ZNF592: variants seen among roughly 807,000 people sequenced by gnomAD.
ZNF592 encodes the protein spinocerebellar ataxia, autosomal recessive 5.
A neutral mutation model predicts 80.3 loss-of-function variants in ZNF592; 11 were observed. The observed-to-expected ratio is 0.14, with a 90% CI of 0.09 to 0.23. The LOEUF (loss-of-function observed/expected upper bound fraction) is 0.23, where lower values mean the gene tolerates loss of function less well. ZNF592 is among the 10% of genes least tolerant of loss of function. ZNF592 has a pLI of 1.00. For missense variants in ZNF592, 1,420 were observed against 1,633.9 expected (o/e 0.87, Z 2.26); for synonymous variants, 646 against 640.3 (o/e 1.01, Z -0.13).
At chr15:84,763,851 C>T (rs1265575801) in intron 1 of ZNF592, among the ~76,000 whole-genome samples, 4 of 152,080 alleles carry the variant, frequency 2.6e-5, no homozygotes, top group Admixed American at 6.6e-5. Context: ...GTTGATGGGC[C>T]GTTAACCAGT....
At chr15:84,797,125 A>T (rs1268470640) in intron 5 of ZNF592, among the ~76,000 whole-genome samples, 1 of 152,018 alleles carries the variant, frequency 6.6e-6, no homozygotes, top group Middle Eastern at 3.4e-3. Context: ...CATGCCCACT[A>T]ATTTTTGTAT....
chr15:84,778,308 G>T lies in ZNF592; in HGVS notation c.-24G>T. The T allele has an allele frequency of 3.7e-6, 1 of 267,682 alleles. No individual in the cohort carries two copies. 16.6% of individuals were successfully genotyped at this position (267,682 alleles called of 1,614,324 possible). A position where few individuals can be genotyped will look rare whatever the true frequency, so the allele number is the denominator to read the frequency against. On this transcript the variant is annotated 5_prime_UTR_variant, in exon 3 of 11. Coordinates refer to ENST00000560079, the MANE Select transcript of ZNF592 (RefSeq NM_014630.3). Reference sequence around the variant, plus strand: ...AGGTCCCTACCTGCCACGGATACCAGTCAGGTACACATGCAGAGGCTGGAG... The same window carrying T: ...AGGTCCCTACCTGCCACGGATACCATTCAGGTACACATGCAGAGGCTGGAG...
chr15:84,755,876 C>T (rs966973887), intron 1 of ZNF592, among the ~76,000 whole-genome samples: 2 of 152,206 alleles, frequency 1.3e-5, no homozygotes, highest in African/African-American at 4.8e-5. Context: ...AGGCTAGCAC[C>T]TCTGATTGGG....
At chr15:84,775,894 T>A (rs1274900123) in intron 2 of ZNF592, among the ~76,000 whole-genome samples, 4 of 152,244 alleles carry the variant, frequency 2.6e-5, no homozygotes, top group Admixed American at 2.6e-4. Context: ...ATAAACAATA[T>A]GAATTTATAT....
chr15:84,766,950 A>C (rs1323692542), intron 2 of ZNF592, among the ~76,000 whole-genome samples: 1 of 152,058 alleles, frequency 6.6e-6, no homozygotes, highest in African/African-American at 2.4e-5. Flanking sequence ...TGGCACCCTC[A>C]AAACCACCAA....
chr15:84,770,415 G>C (rs1341975494), intron 2 of ZNF592, among the ~76,000 whole-genome samples: 1 of 152,136 alleles, frequency 6.6e-6, no homozygotes, highest in Non-Finnish European at 1.5e-5. Context: ...ATGTGAGGAA[G>C]AATAAATAAA....
chr15:84,762,930 C>G (rs1009916638), intron 1 of ZNF592, among the ~76,000 whole-genome samples: 6 of 152,182 alleles, frequency 3.9e-5, no homozygotes, highest in African/African-American at 1.4e-4. Context: ...TAATCTAGAA[C>G]AGTGTTCTAG....
At chr15:84,786,576 A>G (rs1962590618) in intron 4 of ZNF592, among the ~76,000 whole-genome samples, 1 of 152,116 alleles carries the variant, frequency 6.6e-6, no homozygotes, top group Non-Finnish European at 1.5e-5. Context: ...TCAGCCCCCC[A>G]AAGGGGCCAG....
At chr15:84,775,488 A>G (rs1416164111) in intron 2 of ZNF592, among the ~76,000 whole-genome samples, 2 of 152,082 alleles carry the variant, frequency 1.3e-5, no homozygotes. Flanking sequence ...GCTGGAGTGC[A>G]GTGACGCGAT....
rs919079497 is a variant in ZNF592, at chr15:84,748,606, C to G, written c.-317C>G. ...GTCGCCATGTTGTGGCTCCCGCAGC[C>G]GGCGCTGGGGACGCGCGCGGCCGAG... On this transcript the variant is annotated 5_prime_UTR_variant, in exon 1 of 11. Coordinates refer to ENST00000560079, the MANE Select transcript of ZNF592 (RefSeq NM_014630.3). 2.0e-5 allele frequency: 3 copies of G among 147,534 alleles called. No homozygotes were observed. Among genetic ancestry groups the G allele is most frequent in the African/African-American group, 7.3e-5 (3 of 40,826 alleles). The allele number at this position is 147,534 out of a possible 1,614,324, so 9.1% of individuals were successfully genotyped here. A position where few individuals can be genotyped will look rare whatever the true frequency, so the allele number is the denominator to read the frequency against.
intron 1 of ZNF592, among the ~76,000 whole-genome samples, chr15:84,755,871 A>T (rs1486760157): frequency 6.6e-6 from 1 of 152,228 alleles, no homozygotes; most frequent in East Asian, 1.9e-4. Flanking sequence ...GGATTAGGCT[A>T]GCACCTCTGA....
At chr15:84,758,268 C>T (rs932408994) in intron 1 of ZNF592, among the ~76,000 whole-genome samples, 2 of 151,962 alleles carry the variant, frequency 1.3e-5, no homozygotes, top group African/African-American at 4.8e-5. Flanking sequence ...CCACAGCGCC[C>T]GGCCCCGTTA....
intron 2 of ZNF592, among the ~76,000 whole-genome samples, chr15:84,774,540 G>A (rs1191819326): frequency 6.6e-6 from 1 of 152,180 alleles, no homozygotes; most frequent in Non-Finnish European, 1.5e-5. Context: ...TAAATCACTA[G>A]TCCAAAATTA....
chr15:84,801,785 C>T, intron 10 of ZNF592, 78 bp from the exon 11 acceptor site: 1 of 1,610,198 alleles, frequency 6.2e-7, no homozygotes, highest in Non-Finnish European at 8.5e-7. Context: ...TTCTTTGAGT[C>T]CTTGGGCTCA....
At chr15:84,775,025 C>A (rs1962203260) in intron 2 of ZNF592, among the ~76,000 whole-genome samples, 1 of 152,100 alleles carries the variant, frequency 6.6e-6, no homozygotes. Context: ...AGGTGATCCA[C>A]CTGCCTTGGC....
In ZNF592 at chr15:84,783,969, T is replaced by A; in HGVS notation, c.1294T>A (p.Phe432Ile). ...GGATGAGGTGCCTGTGGAAGAGCAC[T>A]TTCCTGAGGCAGGCACAAATTCAGG... ...PGDEVPVEEH[F>I]PEAGTNSGSP... The change falls in exon 4 of 11, where the codon TTT (phenylalanine) becomes ATT (isoleucine). Residue 432 changes from phenylalanine to isoleucine, a missense_variant. Transcript: ENST00000560079. This position sits in a 1 kb window ranked among gnomAD's most constrained non-coding sequence, Gnocchi z 5.0. 6.2e-7 allele frequency: 1 copy of A among 1,612,888 alleles called. No homozygotes were observed. The highest frequency in any genetic ancestry group is 8.5e-7 in the Non-Finnish European group (1 of 1,178,956).
At chr15:84,796,051 G>A (rs112165253) in intron 5 of ZNF592, among the ~76,000 whole-genome samples, 2 of 150,858 alleles carry the variant, frequency 1.3e-5, no homozygotes, top group African/African-American at 4.9e-5. Flanking sequence ...GTGAAACCCC[G>A]TCTCTACTAA....
At position 84,782,844 on chromosome 15, in the gene ZNF592, T is replaced by G. The variant is rs145206161; in HGVS notation, c.169T>G (p.Ser57Ala). 1.5e-4 allele frequency: 236 copies of G among 1,614,090 alleles called. No individual in the cohort carries two copies. Among genetic ancestry groups the G allele is most frequent in the Admixed American group, 1.1e-3 (65 of 60,020 alleles). The change falls in exon 4 of 11, where the codon TCA (serine) becomes GCA (alanine). Residue 57 changes from serine to alanine, a missense_variant. This residue lies in a region of ZNF592 where 373 missense variants were observed against 355.5 expected (regional missense o/e 1.05). Coordinates refer to ENST00000560079, the MANE Select transcript of ZNF592 (RefSeq NM_014630.3). ...GGATGAAAGTGTGTCCTTGTCTCAC[T>G]CAGGATCAGCCCCCGATGTGCCGGC... ...CMDESVSLSH[S>A]GSAPDVPAVS...
intron 2 of ZNF592, among the ~76,000 whole-genome samples, chr15:84,776,906 G>T (rs1182006111): frequency 6.6e-6 from 1 of 152,052 alleles, no homozygotes; most frequent in Non-Finnish European, 1.5e-5. Context: ...AGAAAAATTA[G>T]CTGGGTGTGG....
Sources: gnomAD v4.1 joint callset for allele counts (sites outside exome capture counted in the v4.1 genomes callset) on GRCh38, gnomAD v4.1.1 for gene constraint, gnomAD v4.1.1 regional missense constraint, Gnocchi (gnomAD v3.1) non-coding constraint, MANE v1.5 for transcripts, NCBI Gene and HGNC (gene_info 2026-07-23, HGNC 2026-07-21) for gene names.